The following PDE1A variants were observed in gnomAD, a reference collection of about 807,000 sequenced individuals.
PDE1A encodes the protein dual specificity calcium/calmodulin-dependent 3',5'-cyclic nucleotide phosphodiesterase 1A.
PDE1A carries 35 observed loss-of-function variants against 61.7 expected under a neutral mutation model. That is an observed-to-expected ratio of 0.57 (90% CI 0.43 to 0.75). The LOEUF (loss-of-function observed/expected upper bound fraction) is 0.75. Among genes scored for constraint, PDE1A ranks in the 30% least tolerant of loss-of-function variants. The pLI, the probability that PDE1A is intolerant of heterozygous loss-of-function variation, is 0.00. For synonymous variants in PDE1A, 232 were observed against 213.2 expected (o/e 1.09, Z -0.77); for missense variants, 597 against 630.6 (o/e 0.95, Z 0.57).
chr2:182,509,669 T>C (rs1310707994), intron 2 of PDE1A, among the ~76,000 whole-genome samples: 1 of 152,150 alleles, frequency 6.6e-6, no homozygotes, highest in African/African-American at 2.4e-5. Flanking sequence ...AGTAAAATCT[T>C]TCAGAAAGTA....
At chr2:182,432,256 G>A (rs1254339509) in intron 2 of PDE1A, among the ~76,000 whole-genome samples, 2 of 152,006 alleles carry the variant, frequency 1.3e-5, no homozygotes, top group Non-Finnish European at 2.9e-5. Context: ...TAAATTTAAT[G>A]TCCAACCAAG....
At chr2:182,257,906 G>T (rs1002607368) in intron 2 of PDE1A, among the ~76,000 whole-genome samples, 1 of 152,150 alleles carries the variant, frequency 6.6e-6, no homozygotes, top group African/African-American at 2.4e-5. Context: ...GGTGGCTCAC[G>T]CCTGTAATCC....
At chr2:182,213,199 T>A (rs557569910) in intron 7 of PDE1A, among the ~76,000 whole-genome samples, 128 of 149,738 alleles carry the variant, frequency 8.5e-4, no homozygotes, top group Middle Eastern at 3.4e-3. Context: ...GACCTGCAGC[T>A]GAGGGTCCTG....
chr2:182,225,652 C>T (rs1259956758), intron 6 of PDE1A, among the ~76,000 whole-genome samples: 1 of 150,662 alleles, frequency 6.6e-6, no homozygotes, highest in Non-Finnish European at 1.5e-5. Context: ...TAATCTTTCC[C>T]CTATGGGGTT....
chr2:182,533,769 TAA>T, the PDE1A span, among the ~76,000 whole-genome samples: 1 of 152,114 alleles, frequency 6.6e-6, no homozygotes, highest in Non-Finnish European at 1.5e-5. Flanking sequence ...AGACATCATA[TAA>T]AGTTTAATGT....
chr2:182,472,036 T>C (rs927127804), intron 2 of PDE1A, among the ~76,000 whole-genome samples: 2 of 151,742 alleles, frequency 1.3e-5, no homozygotes, highest in Non-Finnish European at 2.9e-5. Context: ...CGAGAATGAC[T>C]AATATTAAAA....
At chr2:182,239,112 G>GCCATGCCATGC (rs758790229) in intron 3 of PDE1A, among the ~76,000 whole-genome samples, 5 of 152,108 alleles carry the variant, frequency 3.3e-5, no homozygotes, top group Admixed American at 2.6e-4. Context: ...TTGTTGCCAT[G>GCCATGCCATGC]CATTCTCATT....
At chr2:182,346,627 C>G (rs1698537307) in intron 1 of PDE1A, among the ~76,000 whole-genome samples, 2 of 152,150 alleles carry the variant, frequency 1.3e-5, no homozygotes, top group African/African-American at 4.8e-5. Context: ...CATCTCGACA[C>G]CTGCAACACA....
At chr2:182,685,002 T>C in the PDE1A span, among the ~76,000 whole-genome samples, 24 of 151,764 alleles carry the variant, frequency 1.6e-4, no homozygotes, top group Non-Finnish European at 3.1e-4. Flanking sequence ...AAGAAGTGCC[T>C]TGCATGATGC....
At chr2:182,280,792 T>G (rs192784332) in intron 1 of PDE1A, among the ~76,000 whole-genome samples, 3 of 152,060 alleles carry the variant, frequency 2.0e-5, no homozygotes, top group Admixed American at 2.0e-4. Flanking sequence ...TCAATACATG[T>G]GACCATCCAT....
chr2:182,276,890 C>T (rs570054815), intron 1 of PDE1A, among the ~76,000 whole-genome samples: 1 of 152,072 alleles, frequency 6.6e-6, no homozygotes, highest in South Asian at 2.1e-4. Context: ...GACTGAAATA[C>T]GCCCTGGTCT....
At chr2:182,582,863 T>C in the PDE1A span, among the ~76,000 whole-genome samples, 2 of 152,234 alleles carry the variant, frequency 1.3e-5, no homozygotes, top group African/African-American at 4.8e-5. Context: ...TTTCCCACAT[T>C]TTTCTGTGCT....
intron 13 of PDE1A, among the ~76,000 whole-genome samples, chr2:182,157,686 C>A (rs1691170348): frequency 6.6e-6 from 1 of 152,120 alleles, no homozygotes; most frequent in African/African-American, 2.4e-5. Flanking sequence ...GTATCTGTTA[C>A]AGAAGAACAA....
At chr2:182,311,463 C>T (rs1280617557) in intron 1 of PDE1A, among the ~76,000 whole-genome samples, 1 of 152,194 alleles carries the variant, frequency 6.6e-6, no homozygotes, top group East Asian at 1.9e-4. Context: ...AGACACAGAA[C>T]ATTTCCATTA....
the PDE1A span, among the ~76,000 whole-genome samples, chr2:182,557,584 C>T: frequency 1.3e-5 from 2 of 152,000 alleles, no homozygotes; most frequent in African/African-American, 4.8e-5. Flanking sequence ...TGGTGTCATG[C>T]ACTGGTAGTC....
At chr2:182,563,284 T>G in the PDE1A span, among the ~76,000 whole-genome samples, 127 of 152,310 alleles carry the variant, frequency 8.3e-4, 2 homozygotes, top group African/African-American at 2.9e-3. Context: ...TCAAGGAACA[T>G]CTTTATTTCT....
intron 10 of PDE1A, among the ~76,000 whole-genome samples, chr2:182,194,657 C>A (rs1179270083): frequency 6.6e-6 from 1 of 151,958 alleles, no homozygotes; most frequent in African/African-American, 2.4e-5. Context: ...TTTCTCACGG[C>A]TTTAGAGGGT....
At chr2:182,259,675 G>A (rs1273069925) in intron 2 of PDE1A, among the ~76,000 whole-genome samples, 1 of 152,178 alleles carries the variant, frequency 6.6e-6, no homozygotes, top group Non-Finnish European at 1.5e-5. Context: ...CAGAGTCTAA[G>A]CGCTAATCAT....
the PDE1A span, among the ~76,000 whole-genome samples, chr2:182,581,664 T>C: frequency 1.3e-5 from 2 of 152,312 alleles, no homozygotes; most frequent in African/African-American, 4.8e-5. Context: ...CAAGTTAGTA[T>C]AGGACACCCA....
Sources: allele counts gnomAD v4.1 joint callset (sites outside exome capture counted in the v4.1 genomes callset), GRCh38; gene constraint gnomAD v4.1.1; transcripts MANE v1.5; gene names NCBI Gene and HGNC (gene_info 2026-07-23, HGNC 2026-07-21).